B4GALT6: variants seen among roughly 807,000 people sequenced by gnomAD.
The protein encoded by B4GALT6 is UDP-Gal:beta-GlcNAc beta-1,4-galactosyltransferase 6.
Under a neutral mutation model 46.3 loss-of-function variants are expected in B4GALT6, and 14 were observed. The observed-to-expected ratio is 0.30, with a 90% CI of 0.20 to 0.47. The LOEUF (loss-of-function observed/expected upper bound fraction) is 0.47, where lower values mean the gene tolerates loss of function less well. B4GALT6 is among the 20% of genes least tolerant of loss of function. The pLI is 0.99. For missense variants in B4GALT6, 386 were observed against 480.1 expected, an observed-to-expected ratio of 0.80 and a Z score of 1.83; for synonymous variants, 168 against 162.0, an observed-to-expected ratio of 1.04 and a Z score of -0.28.
At chr18:31,679,455 T>C (rs540212929) in intron 1 of B4GALT6, among the ~76,000 whole-genome samples, 1 of 152,318 alleles carries the variant, frequency 6.6e-6, no homozygotes, top group Non-Finnish European at 1.5e-5. Flanking sequence ...ATGACTCTTG[T>C]AACAAAGCTA....
intron 1 of B4GALT6, among the ~76,000 whole-genome samples, chr18:31,680,246 T>C (rs951421824): frequency 3.3e-5 from 5 of 152,250 alleles, no homozygotes; most frequent in East Asian, 3.9e-4. Context: ...CCAGGCCCAC[T>C]TGCCAGGGCC....
At chr18:31,633,452 G>T (rs2073816550) in intron 5 of B4GALT6, among the ~76,000 whole-genome samples, 1 of 152,152 alleles carries the variant, frequency 6.6e-6, no homozygotes, top group Non-Finnish European at 1.5e-5. Context: ...ACCAAAAGTG[G>T]TACAAGCTGG....
At chr18:31,704,097 T>A in the B4GALT6 span, among the ~76,000 whole-genome samples, 1 of 151,914 alleles carries the variant, frequency 6.6e-6, no homozygotes, top group African/African-American at 2.4e-5. Flanking sequence ...TATAAAAACA[T>A]CAAGTACATA....
intron 1 of B4GALT6, among the ~76,000 whole-genome samples, chr18:31,677,691 T>A (rs2074429550): frequency 6.6e-6 from 1 of 152,210 alleles, no homozygotes; most frequent in South Asian, 2.1e-4. Flanking sequence ...TTTTAAATAT[T>A]AAATCACCGT....
intron 4 of B4GALT6, among the ~76,000 whole-genome samples, chr18:31,643,433 G>A (rs2073954765): frequency 6.6e-6 from 1 of 152,068 alleles, no homozygotes; most frequent in African/African-American, 2.4e-5. Context: ...GGAGTAGCTG[G>A]GATTACAGGC....
the B4GALT6 span, among the ~76,000 whole-genome samples, chr18:31,705,445 A>G: frequency 6.6e-6 from 1 of 152,050 alleles, no homozygotes; most frequent in Non-Finnish European, 1.5e-5. Flanking sequence ...CTGGAGTGCA[A>G]TGGTGTAATC....
At chr18:31,716,153 G>A in the B4GALT6 span, among the ~76,000 whole-genome samples, 1 of 152,162 alleles carries the variant, frequency 6.6e-6, no homozygotes. Context: ...GAGAAAAAGA[G>A]AAGAGAATTT....
intron 2 of B4GALT6, among the ~76,000 whole-genome samples, chr18:31,662,658 G>A (rs1177493105): frequency 1.3e-5 from 2 of 152,046 alleles, no homozygotes; most frequent in Non-Finnish European, 2.9e-5. Flanking sequence ...TGGCTAACAC[G>A]GTGAAACCCC....
At chr18:31,672,828 C>A (rs1356786885) in intron 1 of B4GALT6, among the ~76,000 whole-genome samples, 1 of 152,176 alleles carries the variant, frequency 6.6e-6, no homozygotes, top group African/African-American at 2.4e-5. Flanking sequence ...AGTGTGGCCC[C>A]AGCAAGCTAG....
chr18:31,625,437 G>C lies in B4GALT6; in HGVS notation c.*177C>G. The C allele has an allele frequency of 6.8e-6, 4 of 591,234 alleles. No individual in the cohort carries two copies. Among genetic ancestry groups the C allele is most frequent in the East Asian group, 3.3e-5 (1 of 30,110 alleles). 36.6% of individuals were successfully genotyped at this position (591,234 alleles called of 1,614,324 possible). On this transcript the variant is annotated 3_prime_UTR_variant, in exon 9 of 9. Coordinates refer to ENST00000306851, the MANE Select transcript of B4GALT6 (RefSeq NM_004775.5). ...CCACAGGGGTGTGTCTCAGAGCAGG[G>C]AGGACGGGTGAGAGAAGGGTGACTG...
chr18:31,716,106 A>G, the B4GALT6 span, among the ~76,000 whole-genome samples: 1 of 152,198 alleles, frequency 6.6e-6, no homozygotes, highest in Non-Finnish European at 1.5e-5. Flanking sequence ...TGAACTATTC[A>G]GTGCTGTGAG....
intron 3 of B4GALT6, among the ~76,000 whole-genome samples, chr18:31,655,837 T>C (rs914943376): frequency 6.6e-6 from 1 of 152,092 alleles, no homozygotes; most frequent in Non-Finnish European, 1.5e-5. Flanking sequence ...ACCACAAAAA[T>C]CACTGAGTTC....
At chr18:31,717,954 CAAA>C in the B4GALT6 span, among the ~76,000 whole-genome samples, 1 of 126,300 alleles carries the variant, frequency 7.9e-6, no homozygotes. Flanking sequence ...AACTCCGTCT[CAAA>C]AAAAAAAAAA....
chr18:31,660,454 T>C (rs1352651524), intron 2 of B4GALT6, among the ~76,000 whole-genome samples: 1 of 152,126 alleles, frequency 6.6e-6, no homozygotes, highest in Admixed American at 6.5e-5. Context: ...TGTGACAGTG[T>C]CTAGTCAAGT....
rs1241712573 is a variant in B4GALT6, at chr18:31,624,105, T to C, written c.*1509A>G. ...GAAAAATTCATCCAAAATTAAGATA[T>C]GTACTTGATATCAGGTAGTAAGACC... On this transcript the variant is annotated 3_prime_UTR_variant, in exon 9 of 9. Transcript: ENST00000306851. 6.6e-6 allele frequency: 1 copy of C among 152,020 alleles called. No homozygotes were observed. The highest frequency in any genetic ancestry group is 1.5e-5 in the Non-Finnish European group (1 of 67,902). 9.4% of individuals were successfully genotyped at this position (152,020 alleles called of 1,614,324 possible).
chr18:31,696,766 A>G, the B4GALT6 span, among the ~76,000 whole-genome samples: 2 of 152,080 alleles, frequency 1.3e-5, no homozygotes, highest in East Asian at 3.9e-4. Context: ...ATGTGGGCTT[A>G]TTTTCTTCCT....
the B4GALT6 span, among the ~76,000 whole-genome samples, chr18:31,713,486 G>A: frequency 6.6e-6 from 1 of 152,212 alleles, no homozygotes; most frequent in African/African-American, 2.4e-5. Flanking sequence ...TGATGCTGCA[G>A]ATGGAGAAAT....
chr18:31,645,626 C>T lies in B4GALT6; in HGVS notation c.347-147G>A, dbSNP rs1351960348. On this transcript the variant is annotated intron_variant, in intron 3 of 8. Transcript: ENST00000306851. ...GTTACCACCACAAAATTATGAATAG[C>T]GCTCCCTTTCACTTTTAGTTTCAAT... 3.5e-5 allele frequency: 24 copies of T among 687,080 alleles called. No individual in the cohort carries two copies. The South Asian group carries it at 4.3e-4, about 12-fold the overall frequency. The allele number at this position is 687,080 out of a possible 1,614,324, so 42.6% of individuals were successfully genotyped here.
rs565591304 is a variant in B4GALT6, at chr18:31,626,191, C to T, written c.1001+92G>A. 1.7e-4 allele frequency: 116 copies of T among 665,066 alleles called. 1 individual carries two copies. The Admixed American group carries it at 3.8e-3, about 22-fold the overall frequency. 41.2% of individuals were successfully genotyped at this position (665,066 alleles called of 1,614,324 possible). On this transcript the variant is annotated intron_variant, in intron 8 of 8. Coordinates refer to ENST00000306851, the MANE Select transcript of B4GALT6 (RefSeq NM_004775.5). ...CTTCCATTATGAAAATTCCCTTCAG[C>T]AGCTTTTTTGGGGTTCAATGCATTT...
Sources: allele counts gnomAD v4.1 joint callset (sites outside exome capture counted in the v4.1 genomes callset), GRCh38; gene constraint gnomAD v4.1.1; transcripts MANE v1.5; gene names NCBI Gene and HGNC (gene_info 2026-07-23, HGNC 2026-07-21).